The following LHPP variants were observed in gnomAD, a reference collection of about 807,000 sequenced individuals.
LHPP encodes the protein hLHPP.
LHPP carries 24 observed loss-of-function variants against 30.3 expected under a neutral mutation model. The observed-to-expected ratio is 0.79, with a 90% CI of 0.57 to 1.11. LHPP has a LOEUF of 1.11. Among genes scored for constraint, LHPP ranks in the 50% most tolerant of loss-of-function variants. The pLI, the probability that LHPP is intolerant of heterozygous loss-of-function variation, is 0.00. For missense variants in LHPP, 356 were observed against 367.2 expected (o/e 0.97, Z 0.25); for synonymous variants, 150 against 157.1 (o/e 0.95, Z 0.34).
At chr10:124,476,208 A>G (rs954109940) in intron 1 of LHPP, among the ~76,000 whole-genome samples, 1 of 152,150 alleles carries the variant, frequency 6.6e-6, no homozygotes, top group Admixed American at 6.5e-5. Context: ...AGGCCCAGCT[A>G]GGTCCCAGCT....
At chr10:124,497,262 CCA>C (rs1305913704) in intron 4 of LHPP, among the ~76,000 whole-genome samples, 1 of 122,508 alleles carries the variant, frequency 8.2e-6, no homozygotes, top group African/African-American at 3.1e-5. Flanking sequence ...CCCATCCTCC[CCA>C]TCCTCCCCAT....
Position 124,586,588 on chromosome 10 carries a change from G to A in LHPP, c.717-26676G>A, listed in dbSNP as rs561928261. ...TTGTTTCATGAAGGGACAGCCAGCAGTGTCTGTGCAGGTCCAGGGAGGCTC... is the reference window on the plus strand; with the variant it reads ...TTGTTTCATGAAGGGACAGCCAGCAATGTCTGTGCAGGTCCAGGGAGGCTC... On this transcript the variant is annotated intron_variant, in intron 6 of 6. Coordinates refer to ENST00000368842, the MANE Select transcript of LHPP (RefSeq NM_022126.4). 9.2e-5 allele frequency among the ~76,000 whole-genome samples: 14 copies of A among 152,328 alleles called. No homozygotes were observed. In the South Asian group the frequency reaches 1.9e-3, roughly 20 times the overall value.
Position 124,613,939 on chromosome 10 carries a change from C to T in LHPP, c.*579C>T, listed in dbSNP as rs1261451381. 6.5e-6 allele frequency: 1 copy of T among 154,812 alleles called. No individual in the cohort carries two copies. Among genetic ancestry groups the T allele is most frequent in the Non-Finnish European group, 1.4e-5 (1 of 69,834 alleles). 9.6% of individuals were successfully genotyped at this position (154,812 alleles called of 1,614,324 possible). ...GCCAGCCCGCTGCTTTTTCTATCCT[C>T]CCAGTCACCTTTGCAGACAAAGACC... On this transcript the variant is annotated 3_prime_UTR_variant, in exon 7 of 7. Transcript: ENST00000368842.
Position 124,613,283 on chromosome 10 carries a change from C to T in LHPP, c.736C>T (p.Pro246Ser). ...GKFRPSDEHHPEVKADGYVDN... is the reference protein window; with the variant it reads ...GKFRPSDEHHSEVKADGYVDN... ...CTCCAGGCCCAGTGACGAGCACCATCCGGAAGTGAAGGCTGATGGGTACGT... is the reference window on the plus strand; with the variant it reads ...CTCCAGGCCCAGTGACGAGCACCATTCGGAAGTGAAGGCTGATGGGTACGT... The change falls in exon 7 of 7, where the codon CCG (proline) becomes TCG (serine). Residue 246 changes from proline to serine, a missense_variant. Pro to Ser is a moderately conservative substitution (Grantham distance 74). Coordinates refer to ENST00000368842, the MANE Select transcript of LHPP (RefSeq NM_022126.4). 1 of 1,613,476 alleles carries T rather than the reference C, an allele frequency of 6.2e-7. No homozygotes were observed.
At chr10:124,483,010 T>TATACTCCCCTATACAC (rs1439064173) in intron 1 of LHPP, among the ~76,000 whole-genome samples, 1 of 151,888 alleles carries the variant, frequency 6.6e-6, no homozygotes, top group Non-Finnish European at 1.5e-5. Context: ...TCAGTGACAG[T>TATACTCCCCTATACAC]TTGCAGAAGG....
At chr10:124,465,062 G>C (rs1401653920) in intron 1 of LHPP, among the ~76,000 whole-genome samples, 1 of 152,158 alleles carries the variant, frequency 6.6e-6, no homozygotes, top group African/African-American at 2.4e-5. Context: ...TAGGCCTAAG[G>C]GGTGTGAAGA....
rs116793974 is a variant in LHPP, at chr10:124,576,765, G to A, written c.717-36499G>A. 4.4e-3 allele frequency among the ~76,000 whole-genome samples: 672 copies of A among 152,128 alleles called. 5 individuals are homozygous for A. The highest frequency in any genetic ancestry group is 0.015 in the African/African-American group (640 of 41,484). On this transcript the variant is annotated intron_variant, in intron 6 of 6. Transcript: ENST00000368842. The surrounding 1 kb of genome is among the most constrained non-coding windows in gnomAD (Gnocchi z 4.2). ...GGCAGGAGTTACCTGCCCTGTAGAC[G>A]GGGAGACCACATTAGTGTTTGTGCA...
intron 6 of LHPP, among the ~76,000 whole-genome samples, chr10:124,556,209 C>T (rs866225414): frequency 2.6e-5 from 4 of 152,178 alleles, no homozygotes; most frequent in South Asian, 4.1e-4. Context: ...CCTCTGATGC[C>T]GCTGGGTGTC....
chr10:124,482,414 A>G (rs1953168879), intron 1 of LHPP, among the ~76,000 whole-genome samples: 2 of 152,204 alleles, frequency 1.3e-5, no homozygotes, highest in African/African-American at 4.8e-5. Flanking sequence ...TGCCAGATGC[A>G]ATTAGCATGG....
chr10:124,608,484 A>G (rs1181833041), intron 6 of LHPP, among the ~76,000 whole-genome samples: 1 of 152,244 alleles, frequency 6.6e-6, no homozygotes, highest in Non-Finnish European at 1.5e-5. Flanking sequence ...CCCATGGTGC[A>G]TGCTATTATG....
intron 6 of LHPP, among the ~76,000 whole-genome samples, chr10:124,585,806 G>C (rs976246605): frequency 2.0e-5 from 3 of 151,736 alleles, no homozygotes; most frequent in Admixed American, 2.0e-4. Flanking sequence ...TCTTTTTTTG[G>C]AGATAGAGTC....
intron 6 of LHPP, among the ~76,000 whole-genome samples, chr10:124,603,981 C>G (rs1035761699): frequency 6.6e-6 from 1 of 152,356 alleles, no homozygotes; most frequent in South Asian, 2.1e-4. Context: ...GCCATGTGAG[C>G]TCTTTGCAGG....
chr10:124,498,482 GGA>G, intron 5 of LHPP: 13 of 1,459,314 alleles, frequency 8.9e-6, no homozygotes, highest in Non-Finnish European at 1.2e-5. Context: ...ACAATATGGA[GGA>G]AATAATAAAG....
At chr10:124,550,685 G>A (rs1948145805) in intron 6 of LHPP, among the ~76,000 whole-genome samples, 1 of 152,196 alleles carries the variant, frequency 6.6e-6, no homozygotes, top group African/African-American at 2.4e-5. Context: ...TCCCTACCTT[G>A]GCTGATCGTG....
chr10:124,498,196 TGGATTACAG>T, intron 5 of LHPP, 68 bp downstream of exon 5: 2 of 1,359,976 alleles, frequency 1.5e-6, no homozygotes, highest in Non-Finnish European at 2.0e-6. Flanking sequence ...GAGCTTGGAA[TGGATTACAG>T]GACTCAGGCA....
rs375420323 is a variant in LHPP, at chr10:124,576,533, C to T, written c.717-36731C>T. On this transcript the variant is annotated intron_variant, in intron 6 of 6. Coordinates refer to ENST00000368842, the MANE Select transcript of LHPP (RefSeq NM_022126.4). This position sits in a 1 kb window ranked among gnomAD's most constrained non-coding sequence, Gnocchi z 4.2. ...CCAGACCCCCCTCCATGGCCTGCCC[C>T]CAGATCCCCCTTTGCTGCCACCCCT... 4.6e-5 allele frequency among the ~76,000 whole-genome samples: 7 copies of T among 151,488 alleles called. No homozygotes were observed. The highest frequency in any genetic ancestry group is 1.7e-4 in the African/African-American group (7 of 41,186).
intron 5 of LHPP, among the ~76,000 whole-genome samples, chr10:124,508,118 G>A (rs1954203916): frequency 6.6e-6 from 1 of 152,004 alleles, no homozygotes; most frequent in South Asian, 2.1e-4. Flanking sequence ...ACCCCTAGGG[G>A]GAGGCTGGTG....
chr10:124,529,207 T>C (rs1954824362), intron 6 of LHPP, among the ~76,000 whole-genome samples: 1 of 152,022 alleles, frequency 6.6e-6, no homozygotes, highest in South Asian at 2.1e-4. Flanking sequence ...GCTAATTTTT[T>C]TGTATTTTTA....
At chr10:124,547,659 G>C (rs1228549195) in intron 6 of LHPP, among the ~76,000 whole-genome samples, 1 of 152,260 alleles carries the variant, frequency 6.6e-6, no homozygotes, top group East Asian at 1.9e-4. Flanking sequence ...TGGCTGCCTG[G>C]TGGAGGTCGG....
Sources: allele counts gnomAD v4.1 joint callset (sites outside exome capture counted in the v4.1 genomes callset), GRCh38; gene constraint gnomAD v4.1.1; non-coding constraint Gnocchi (gnomAD v3.1); transcripts MANE v1.5; gene names NCBI Gene and HGNC (gene_info 2026-07-23, HGNC 2026-07-21).